Variants in SAP30BP observed in about 807,000 individuals in gnomAD.
SAP30BP encodes the protein SAP30 binding protein.
In SAP30BP, 31 loss-of-function variants were observed where a neutral mutation model predicts 46.3. That is an observed-to-expected ratio of 0.67 (90% CI 0.50 to 0.90). The LOEUF (loss-of-function observed/expected upper bound fraction) is 0.90, where lower values mean the gene tolerates loss of function less well. Among genes scored for constraint, SAP30BP ranks in the 40% least tolerant of loss-of-function variants. SAP30BP has a pLI of 0.00. For missense variants in SAP30BP, 312 were observed against 391.0 expected (o/e 0.80, Z 1.70); for synonymous variants, 169 against 144.2 (o/e 1.17, Z -1.23).
chr17:75,694,136 A>G (rs369671778), intron 4 of SAP30BP, among the ~76,000 whole-genome samples: 5 of 152,054 alleles, frequency 3.3e-5, no homozygotes, highest in East Asian at 1.9e-4. Context: ...CTCTGTGGCA[A>G]CCATTACCAG....
At chr17:75,701,069 A>C (rs1434369029) in intron 5 of SAP30BP, among the ~76,000 whole-genome samples, 1 of 152,164 alleles carries the variant, frequency 6.6e-6, no homozygotes, top group Non-Finnish European at 1.5e-5. Flanking sequence ...TCTCGGCTGA[A>C]GTCACAGACC....
intron 3 of SAP30BP, among the ~76,000 whole-genome samples, chr17:75,672,804 A>G (rs1010208666): frequency 6.6e-6 from 1 of 152,064 alleles, no homozygotes; most frequent in Non-Finnish European, 1.5e-5. Context: ...TAAAAATACA[A>G]AAATTAACTG....
intron 3 of SAP30BP, chr17:75,693,048 G>A (rs1485684693): frequency 1.2e-5 from 2 of 168,408 alleles, no homozygotes; most frequent in Non-Finnish European, 2.5e-5. Flanking sequence ...AGGTGGTGAT[G>A]TCTGGGCTGG....
intron 3 of SAP30BP, among the ~76,000 whole-genome samples, chr17:75,675,144 GT>G (rs1013073489): frequency 7.9e-5 from 12 of 152,066 alleles, no homozygotes; most frequent in Non-Finnish European, 7.4e-5. Context: ...GTTTTTTGTT[GT>G]TTTTTTGTTT....
At chr17:75,678,651 C>T (rs1371031401) in intron 3 of SAP30BP, among the ~76,000 whole-genome samples, 1 of 152,068 alleles carries the variant, frequency 6.6e-6, no homozygotes, top group Non-Finnish European at 1.5e-5. Context: ...CTGGTCATAC[C>T]ATGTTGTCGG....
chr17:75,693,350 C>T, intron 3 of SAP30BP, 90 bp from the exon 4 acceptor site: 4 of 1,132,760 alleles, frequency 3.5e-6, no homozygotes, highest in African/African-American at 1.5e-5. Flanking sequence ...TACTTTTTCT[C>T]CTTCCTTAAA....
chr17:75,682,559 C>T (rs2060093523), intron 3 of SAP30BP, among the ~76,000 whole-genome samples: 2 of 152,138 alleles, frequency 1.3e-5, no homozygotes. Flanking sequence ...ATATGTTTTG[C>T]ATCCAGCTTT....
intron 1 of SAP30BP, chr17:75,667,959 T>C (rs1240419365): frequency 6.2e-6 from 1 of 160,986 alleles, no homozygotes; most frequent in Non-Finnish European, 1.4e-5. Context: ...TGGGGTAGGA[T>C]GTGGGCATTT....
intron 3 of SAP30BP, chr17:75,692,201 G>T (rs998687174): frequency 2.0e-6 from 2 of 985,446 alleles, no homozygotes; most frequent in Non-Finnish European, 2.4e-6. Flanking sequence ...GGACTTTCTG[G>T]AAAGGGGGCT....
intron 7 of SAP30BP, chr17:75,703,596 T>A (rs1039901133): frequency 9.4e-6 from 6 of 637,112 alleles, no homozygotes; most frequent in Non-Finnish European, 1.7e-5. Context: ...GGGACATGTG[T>A]GGACCTGCTG....
intron 5 of SAP30BP, among the ~76,000 whole-genome samples, chr17:75,701,872 A>G (rs773379864): frequency 1.3e-5 from 2 of 151,980 alleles, no homozygotes; most frequent in Admixed American, 6.5e-5. Flanking sequence ...TATTTTCTCT[A>G]TGGCTCCTCT....
At chr17:75,670,742 A>G (rs1256457307) in intron 2 of SAP30BP, among the ~76,000 whole-genome samples, 1 of 152,180 alleles carries the variant, frequency 6.6e-6, no homozygotes, top group African/African-American at 2.4e-5. Flanking sequence ...TTGCATTTAA[A>G]GCCTTGGACT....
intron 4 of SAP30BP, among the ~76,000 whole-genome samples, chr17:75,696,751 A>AG (rs1297730555): frequency 7.7e-6 from 1 of 130,378 alleles, no homozygotes; most frequent in African/African-American, 2.8e-5. Flanking sequence ...TGGACTGAGG[A>AG]GGGGCTCCCC....
chr17:75,703,894 C>T (rs180862271), intron 8 of SAP30BP, 35 bp downstream of exon 8: 79 of 1,472,448 alleles, frequency 5.4e-5, no homozygotes, highest in Admixed American at 2.7e-4. Flanking sequence ...ATACCTTGTC[C>T]GCCCACCCGA....
chr17:75,693,410 T>TA (rs781149555), intron 3 of SAP30BP, 30 bp from the exon 4 acceptor site: 2 of 1,606,422 alleles, frequency 1.2e-6, no homozygotes, highest in Non-Finnish European at 1.7e-6. Context: ...GCCCCAGTCT[T>TA]ACCTCCTCGT....
chr17:75,682,685 T>A lies in SAP30BP; in HGVS notation c.265-10755T>A, dbSNP rs190930512. The stretch of plus-strand genomic sequence containing the variant: ...TGAAGAATTGTATGGCATATGAGGC[T>A]GGGCGCAGTGGCTCATGCCTGTAAT... On this transcript the variant is annotated intron_variant, in intron 3 of 10. Coordinates refer to ENST00000584667, the MANE Select transcript of SAP30BP (RefSeq NM_013260.8). Among the ~76,000 whole-genome samples, 7 of 152,016 alleles carry A rather than the reference T, an allele frequency of 4.6e-5. No homozygotes were observed. The East Asian group carries it at 1.4e-3, about 30-fold the overall frequency.
intron 3 of SAP30BP, among the ~76,000 whole-genome samples, chr17:75,686,564 G>A (rs776880414): frequency 6.6e-6 from 1 of 152,080 alleles, no homozygotes; most frequent in Non-Finnish European, 1.5e-5. Flanking sequence ...TTCTGTGGTT[G>A]GGAGCAGAGC....
Position 75,706,128 on chromosome 17 carries a change from CA to C in SAP30BP, c.745+37del. 5 of 1,596,204 alleles carry C rather than the reference CA, an allele frequency of 3.1e-6. No individual in the cohort carries two copies. The highest frequency in any genetic ancestry group is 3.4e-6 in the Non-Finnish European group (4 of 1,171,702). ...GAGCTGCCCTGCCTCCTGCCACACA[CA>C]TGGAGCCAGGGTCTCCCTGGCTTGT... is the stretch of plus-strand genomic sequence containing the variant. On this transcript the variant is annotated intron_variant, in intron 10 of 10. Transcript: ENST00000584667. The surrounding 1 kb of genome is among the most constrained non-coding windows in gnomAD (Gnocchi z 4.6).
At chr17:75,678,569 G>A (rs550916013) in intron 3 of SAP30BP, among the ~76,000 whole-genome samples, 1 of 152,168 alleles carries the variant, frequency 6.6e-6, no homozygotes, top group South Asian at 2.1e-4. Context: ...CAGTATGTCT[G>A]GTGTGTGTTT....
Sources: allele counts gnomAD v4.1 joint callset (sites outside exome capture counted in the v4.1 genomes callset), GRCh38; gene constraint gnomAD v4.1.1; non-coding constraint Gnocchi (gnomAD v3.1); transcripts MANE v1.5; gene names NCBI Gene and HGNC (gene_info 2026-07-23, HGNC 2026-07-21).